STXBP5: variants seen among roughly 807,000 people sequenced by gnomAD.
The protein encoded by STXBP5 is syntaxin-binding protein 5.
In STXBP5, 50 loss-of-function variants were observed where a neutral mutation model predicts 152.4. The observed-to-expected ratio is 0.33, with a 90% CI of 0.26 to 0.42. STXBP5 has a LOEUF of 0.42. Ranked by LOEUF, STXBP5 falls within the 10% of genes least tolerant of loss-of-function variation. The pLI, the probability that STXBP5 is intolerant of heterozygous loss-of-function variation, is 1.00. For synonymous variants in STXBP5, 492 were observed against 494.7 expected, an observed-to-expected ratio of 0.99 and a Z score of 0.07; for missense variants, 1,167 against 1,388.6, an observed-to-expected ratio of 0.84 and a Z score of 2.54.
At chr6:147,341,344 T>A (rs192797497) in intron 21 of STXBP5, among the ~76,000 whole-genome samples, 1 of 152,300 alleles carries the variant, frequency 6.6e-6, no homozygotes, top group East Asian at 1.9e-4. Flanking sequence ...AAGACTGGTA[T>A]TTTGTGCATG....
intron 9 of STXBP5, among the ~76,000 whole-genome samples, chr6:147,300,712 A>G (rs1449923223): frequency 2.0e-5 from 3 of 152,136 alleles, no homozygotes; most frequent in Non-Finnish European, 2.9e-5. Context: ...CTGGAAGAAT[A>G]CATGGGAAAT....
At chr6:147,239,312 A>G (rs1418163352) in intron 4 of STXBP5, 42 bp downstream of exon 4, 31 of 1,542,254 alleles carry the variant, frequency 2.0e-5, no homozygotes, top group Non-Finnish European at 2.5e-5. Flanking sequence ...GATATTTACT[A>G]TTATATTTTC....
Position 147,325,029 on chromosome 6 carries a change from G to A in STXBP5, c.1873G>A (p.Gly625Ser). Residue 625 changes from glycine to serine, a missense_variant, in exon 17 of 28, where the codon GGT (glycine) becomes AGT (serine). Physicochemically the swap from Gly to Ser is moderately conservative, Grantham distance 56. Around this residue, in one of 3 missense-constraint regions of STXBP5, gnomAD observed 833 missense variants for 986.3 expected, o/e 0.84. Coordinates refer to ENST00000321680, the MANE Select transcript of STXBP5 (RefSeq NM_001127715.4). ...TELVIQLVWV[G>S]GEPPQQITSL... ...ACTAGTTATTCAGTTGGTTTGGGTG[G>A]GTGGAGAACCACCACAACAAATAAC... is the stretch of plus-strand genomic sequence containing the variant. The A allele has an allele frequency of 6.3e-6, 10 of 1,593,630 alleles. No individual in the cohort carries two copies. The highest frequency in any genetic ancestry group is 7.7e-6 in the Non-Finnish European group (9 of 1,167,618).
In STXBP5 at chr6:147,355,322, C is replaced by T. The variant is rs73586357; in HGVS notation, c.2305+1949C>T. Among the ~76,000 whole-genome samples the T allele has an allele frequency of 3.7e-3, 556 of 152,162 alleles. 4 individuals are homozygous for T. The highest frequency in any genetic ancestry group is 0.013 in the African/African-American group (532 of 41,490). On this transcript the variant is annotated intron_variant, in intron 22 of 27. Transcript: ENST00000321680. ...ATATAAAAGTTTGTTGAATAAGGCT[C>T]TCTGTGGGGAGGAGAAAGTGATACA...
intron 22 of STXBP5, among the ~76,000 whole-genome samples, chr6:147,356,523 A>G (rs1404337828): frequency 6.6e-6 from 1 of 151,840 alleles, no homozygotes; most frequent in Non-Finnish European, 1.5e-5. Context: ...TGTTTCATTT[A>G]TAGTAAGTAG....
intron 7 of STXBP5, among the ~76,000 whole-genome samples, chr6:147,268,203 G>A (rs1369899818): frequency 6.6e-6 from 1 of 152,112 alleles, no homozygotes; most frequent in Non-Finnish European, 1.5e-5. Flanking sequence ...ACTTTGGTCA[G>A]TGTACCTCCT....
chr6:147,289,377 A>C (rs915377593), intron 8 of STXBP5, among the ~76,000 whole-genome samples: 5 of 152,198 alleles, frequency 3.3e-5, no homozygotes, highest in African/African-American at 1.2e-4. Flanking sequence ...AAAGCTGTTG[A>C]GATTCTAATT....
intron 1 of STXBP5, 45 bp from the exon 2 acceptor site, chr6:147,205,926 T>C: frequency 6.7e-7 from 1 of 1,484,766 alleles, no homozygotes; most frequent in South Asian, 1.2e-5. Flanking sequence ...TTTTAAAATT[T>C]CGCTTGCTGC....
Position 147,310,193 on chromosome 6 carries a change from T to C in STXBP5, c.1027T>C (p.Ser343Pro). The change falls in exon 10 of 28, where the codon TCA becomes CCA. Residue 343 changes from serine (S) to proline (P), a missense_variant. Ser to Pro is a moderately conservative substitution (Grantham distance 74, BLOSUM62 -1). Transcript: ENST00000321680. ...KSTAVLEMDY[S>P]IVDFLTLCET... Reference sequence around the variant, plus strand: ...CACTGCTGTGCTAGAAATGGACTATTCAATTGTTGATTTTCTAACGCTGTG... The same window carrying C: ...CACTGCTGTGCTAGAAATGGACTATCCAATTGTTGATTTTCTAACGCTGTG... 6.3e-7 allele frequency: 1 copy of C among 1,599,404 alleles called. No homozygotes were observed. Among genetic ancestry groups the C allele is most frequent in the Non-Finnish European group, 8.5e-7 (1 of 1,175,906 alleles).
intron 19 of STXBP5, among the ~76,000 whole-genome samples, chr6:147,337,214 C>CACACACACACACATACACAA (rs150169446): frequency 6.8e-6 from 1 of 147,270 alleles, no homozygotes; most frequent in Non-Finnish European, 1.5e-5. Flanking sequence ...CACACACACA[C>CACACACACACACATACACAA]AAGAAGTCAT....
intron 18 of STXBP5, among the ~76,000 whole-genome samples, chr6:147,329,163 T>C (rs1381162399): frequency 6.6e-6 from 1 of 151,190 alleles, no homozygotes; most frequent in Non-Finnish European, 1.5e-5. Context: ...AATGCCTAGA[T>C]TTATCTAAGG....
intron 3 of STXBP5, among the ~76,000 whole-genome samples, chr6:147,236,976 C>T (rs1478927721): frequency 1.3e-5 from 2 of 152,044 alleles, no homozygotes; most frequent in Non-Finnish European, 2.9e-5. Flanking sequence ...CAGGGTTTCA[C>T]TGTGTTGGCC....
intron 18 of STXBP5, chr6:147,328,634 C>G (rs1015528071): frequency 1.2e-5 from 5 of 432,826 alleles, no homozygotes; most frequent in Admixed American, 2.6e-5. Flanking sequence ...GATTGTTGTC[C>G]CAACCATACC....
chr6:147,345,785 G>A (rs1253011975), intron 21 of STXBP5, among the ~76,000 whole-genome samples: 1 of 152,172 alleles, frequency 6.6e-6, no homozygotes, highest in Non-Finnish European at 1.5e-5. Flanking sequence ...CAAAACATCT[G>A]TTTAATTTGC....
In STXBP5 at chr6:147,378,411, A is replaced by T. The variant is rs1426579816; in HGVS notation, c.3194-4367A>T. On this transcript the variant is annotated intron_variant, in intron 26 of 27. Transcript: ENST00000321680. The stretch of plus-strand genomic sequence containing the variant: ...GGAATTCAAAGTTGATTTATCATTA[A>T]AAAAAAAAAAAAAAAAATTCTTATC... 1.1e-4 allele frequency among the ~76,000 whole-genome samples: 5 copies of T among 46,390 alleles called. No homozygotes were observed. In the South Asian group the frequency reaches 2.0e-3, roughly 19 times the overall value. The allele number at this position is 46,390 out of a possible 152,430, so 30.4% of individuals were successfully genotyped here. A position where few individuals can be genotyped will look rare whatever the true frequency, so the allele number is the denominator to read the frequency against.
At chr6:147,325,159 G>T in intron 17 of STXBP5, 75 bp downstream of exon 17, 1 of 1,296,592 alleles carries the variant, frequency 7.7e-7, no homozygotes, top group South Asian at 2.7e-5. Context: ...AAAATAGAAA[G>T]GATGGTCTTT....
At chr6:147,346,330 G>A (rs1784327500) in intron 21 of STXBP5, among the ~76,000 whole-genome samples, 1 of 152,146 alleles carries the variant, frequency 6.6e-6, no homozygotes, top group Non-Finnish European at 1.5e-5. Flanking sequence ...AAGCCAGGAG[G>A]ACCGACTGAC....
chr6:147,349,845 ACT>A (rs1203381958), intron 21 of STXBP5, among the ~76,000 whole-genome samples: 1 of 152,156 alleles, frequency 6.6e-6, no homozygotes, highest in Non-Finnish European at 1.5e-5. Context: ...GAAGGCCTTA[ACT>A]CTGTATTTTT....
At chr6:147,275,234 A>G (rs1780377282) in intron 7 of STXBP5, among the ~76,000 whole-genome samples, 1 of 152,128 alleles carries the variant, frequency 6.6e-6, no homozygotes, top group South Asian at 2.1e-4. Context: ...GAAAATACTG[A>G]TGTCAGACTC....
Sources: gnomAD v4.1 joint callset for allele counts (sites outside exome capture counted in the v4.1 genomes callset) on GRCh38, gnomAD v4.1.1 for gene constraint, gnomAD v4.1.1 regional missense constraint, MANE v1.5 for transcripts, NCBI Gene and HGNC (gene_info 2026-07-23, HGNC 2026-07-21) for gene names.